KHDC1: variants seen among roughly 807,000 people sequenced by gnomAD.
The protein encoded by KHDC1 is KH domain containing 1, also known as KH homology domain-containing protein 1.
KHDC1 carries 21 observed loss-of-function variants against 24.7 expected under a neutral mutation model. That is an observed-to-expected ratio of 0.85 (90% CI 0.60 to 1.23). The LOEUF (loss-of-function observed/expected upper bound fraction) is 1.23, where lower values mean the gene tolerates loss of function less well. Among genes scored for constraint, KHDC1 ranks in the 50% most tolerant of loss-of-function variants. The pLI is 0.00. For missense variants in KHDC1, 274 were observed against 298.5 expected (o/e 0.92, Z 0.61); for synonymous variants, 98 against 111.7 (o/e 0.88, Z 0.77).
intron 2 of KHDC1, among the ~76,000 whole-genome samples, chr6:73,246,212 C>T (rs545632547): frequency 6.6e-6 from 1 of 152,074 alleles, no homozygotes; most frequent in Non-Finnish European, 1.5e-5. Flanking sequence ...CAGGCGCCTC[C>T]ACCACTCAGA....
chr6:73,309,252 C>G (rs1392062891), intron 1 of KHDC1, among the ~76,000 whole-genome samples: 2 of 152,204 alleles, frequency 1.3e-5, no homozygotes, highest in African/African-American at 4.8e-5. Context: ...AAGATGGCCC[C>G]CTAGAGGAGC....
chr6:73,296,813 A>G (rs952138960), intron 1 of KHDC1, among the ~76,000 whole-genome samples: 26 of 152,136 alleles, frequency 1.7e-4, no homozygotes, highest in African/African-American at 5.8e-4. Flanking sequence ...TTACACAAAC[A>G]CTATACAGTG....
chr6:73,256,766 T>C (rs1766886781), intron 2 of KHDC1, among the ~76,000 whole-genome samples: 1 of 152,230 alleles, frequency 6.6e-6, no homozygotes, highest in Non-Finnish European at 1.5e-5. Context: ...ATCAGGAAAC[T>C]GCTTTTAAGA....
chr6:73,255,557 A>T (rs951433069), intron 2 of KHDC1, among the ~76,000 whole-genome samples: 18 of 150,120 alleles, frequency 1.2e-4, no homozygotes, highest in Middle Eastern at 3.4e-3. Flanking sequence ...CCTCAAGAAA[A>T]TGCTTCAGAC....
intron 2 of KHDC1, among the ~76,000 whole-genome samples, chr6:73,251,613 A>G (rs148334138): frequency 1.9e-3 from 283 of 152,278 alleles, no homozygotes; most frequent in South Asian, 4.1e-3. Flanking sequence ...TAAACATAAA[A>G]AGAAATGTTT....
intron 2 of KHDC1, among the ~76,000 whole-genome samples, chr6:73,247,164 G>C (rs1041207721): frequency 1.3e-5 from 2 of 151,864 alleles, no homozygotes; most frequent in African/African-American, 4.8e-5. Flanking sequence ...TTTTAGTAGA[G>C]ACGGGGTTTC....
At chr6:73,291,153 C>A in intron 2 of KHDC1, 1 of 500,390 alleles carries the variant, frequency 2.0e-6, no homozygotes, top group Non-Finnish European at 4.0e-6. Context: ...CCCTCTGTGC[C>A]TATTCAGCAG....
exon 5 of KHDC1, chr6:73,241,644 C>G (rs750055770): frequency 6.2e-7 from 1 of 1,614,168 alleles, no homozygotes; most frequent in Non-Finnish European, 8.5e-7. Context: ...AGACAGGTCT[C>G]CAGTGTATGG....
At chr6:73,265,927 T>C (rs1232154081) in intron 2 of KHDC1, among the ~76,000 whole-genome samples, 1 of 151,834 alleles carries the variant, frequency 6.6e-6, no homozygotes, top group Non-Finnish European at 1.5e-5. Context: ...TTTCTTTTTC[T>C]TTTTTTTGGG....
At chr6:73,271,512 T>C (rs1437084984) in intron 2 of KHDC1, among the ~76,000 whole-genome samples, 1 of 151,746 alleles carries the variant, frequency 6.6e-6, no homozygotes, top group Non-Finnish European at 1.5e-5. Flanking sequence ...TGGTGTAAAA[T>C]ATATTTTTTA....
At chr6:73,279,977 C>G (rs573860297) in intron 2 of KHDC1, among the ~76,000 whole-genome samples, 2 of 152,168 alleles carry the variant, frequency 1.3e-5, no homozygotes, top group South Asian at 4.1e-4. Flanking sequence ...CATTCCTGTT[C>G]TTGGTATAGT....
Position 73,303,543 on chromosome 6 carries a change from A to T in KHDC1, c.163+6009T>A, listed in dbSNP as rs1767913116. Among the ~76,000 whole-genome samples the T allele has an allele frequency of 2.0e-5, 3 of 152,240 alleles. No homozygotes were observed. In the South Asian group the frequency reaches 6.2e-4, roughly 31 times the overall value. The stretch of plus-strand genomic sequence containing the variant: ...AAGAACACAAGCAATTTCCTAGCCA[A>T]GTGATCAAAATTAACATCACCTGTC... On this transcript the variant is annotated intron_variant, in intron 1 of 4. Transcript: ENST00000370384.
At chr6:73,252,249 G>T (rs1450322515) in intron 2 of KHDC1, among the ~76,000 whole-genome samples, 1 of 151,870 alleles carries the variant, frequency 6.6e-6, no homozygotes, top group Non-Finnish European at 1.5e-5. Context: ...TCCCTATGTT[G>T]CCCAGGCTGG....
intron 2 of KHDC1, among the ~76,000 whole-genome samples, chr6:73,244,620 A>G (rs1379428818): frequency 7.2e-6 from 1 of 139,126 alleles, no homozygotes; most frequent in Non-Finnish European, 1.5e-5. Context: ...AAAACAATGA[A>G]TCGGGGAGTG....
intron 2 of KHDC1, among the ~76,000 whole-genome samples, chr6:73,244,803 C>T (rs1187299285): frequency 1.3e-5 from 2 of 151,904 alleles, no homozygotes; most frequent in Non-Finnish European, 2.9e-5. Context: ...TGAGGTGGTG[C>T]GCACCTGCAG....
At chr6:73,293,937 C>T (rs1767710482) in intron 1 of KHDC1, among the ~76,000 whole-genome samples, 1 of 146,488 alleles carries the variant, frequency 6.8e-6, no homozygotes. Context: ...ACCCAGGAGG[C>T]AGATGTTGCA....
chr6:73,255,007 A>C (rs1018250530), intron 2 of KHDC1, among the ~76,000 whole-genome samples: 3 of 151,718 alleles, frequency 2.0e-5, no homozygotes, highest in African/African-American at 7.3e-5. Flanking sequence ...CGTCTCAAAA[A>C]GAAAAAAAAA....
chr6:73,248,669 T>C (rs1245279276), intron 2 of KHDC1, among the ~76,000 whole-genome samples: 1 of 152,214 alleles, frequency 6.6e-6, no homozygotes, highest in East Asian at 1.9e-4. Flanking sequence ...CAGGTGCAAC[T>C]TAATCTCCCT....
intron 2 of KHDC1, chr6:73,263,432 G>A: frequency 3.2e-6 from 1 of 311,578 alleles, no homozygotes; most frequent in African/African-American, 2.3e-5. Context: ...TGGCCTCCAG[G>A]CGGCATCTCT....
Sources: allele counts gnomAD v4.1 joint callset (sites outside exome capture counted in the v4.1 genomes callset), GRCh38; gene constraint gnomAD v4.1.1; transcripts MANE v1.5; gene names NCBI Gene and HGNC (gene_info 2026-07-23, HGNC 2026-07-21).